JAG1: variants seen among roughly 807,000 people sequenced by gnomAD.
The protein encoded by JAG1 is jagged canonical Notch ligand 1.
Under a neutral mutation model 148.7 loss-of-function variants are expected in JAG1, and 23 were observed. The ratio of observed to expected loss-of-function variants is 0.15; its 90% CI spans 0.11 to 0.22. The LOEUF (loss-of-function observed/expected upper bound fraction) is 0.22, where lower values mean the gene tolerates loss of function less well. Ranked by LOEUF, JAG1 falls within the 10% of genes least tolerant of loss-of-function variation. The pLI, the probability that JAG1 is intolerant of heterozygous loss-of-function variation, is 1.00. For missense variants in JAG1, 1,054 were observed against 1,611.2 expected (o/e 0.65, Z 5.92); for synonymous variants, 572 against 598.3 (o/e 0.96, Z 0.64).
At position 10,643,821 on chromosome 20, in the gene JAG1, C is replaced by G. The variant is rs763720023; in HGVS notation, c.2415G>C (p.Arg805=). ...GTCVDGDNWY[R]CECAPGFAGP... ...CAGCAAAACCCGGGGCACATTCGCA[C>G]CGGTACCAGTTGTCTCCATCCACAC... The change falls in exon 20 of 26, where the codon CGG becomes CGC. Residue 805 remains arginine (R), a synonymous_variant. Coordinates refer to ENST00000254958, the MANE Select transcript of JAG1 (RefSeq NM_000214.3). The G allele has an allele frequency of 6.2e-7, 1 of 1,614,148 alleles. No homozygotes were observed. The highest frequency in any genetic ancestry group is 8.5e-7 in the Non-Finnish European group (1 of 1,180,022).
Position 10,643,822 on chromosome 20 carries a change from C to A in JAG1, c.2414G>T (p.Arg805Leu). 1 of 1,614,098 alleles carries A rather than the reference C, an allele frequency of 6.2e-7. No homozygotes were observed. Among genetic ancestry groups the A allele is most frequent in the African/African-American group, 1.3e-5 (1 of 75,026 alleles). The stretch of plus-strand genomic sequence containing the variant: ...AGCAAAACCCGGGGCACATTCGCAC[C>A]GGTACCAGTTGTCTCCATCCACACA... ...GTCVDGDNWYRCECAPGFAGP... is the reference protein window; with the variant it reads ...GTCVDGDNWYLCECAPGFAGP... The change falls in exon 20 of 26, where the codon CGG becomes CTG. Residue 805 changes from arginine (R) to leucine (L), a missense_variant. Arg to Leu is a moderately radical substitution (Grantham distance 102). Transcript: ENST00000254958.
rs2067274800 is a variant in JAG1 at position 10,641,867 on chromosome 20, C to A, written c.2598G>T (p.Met866Ile). ...QEVSGRPCITMGSVIPDGAKW... is the reference protein window; with the variant it reads ...QEVSGRPCITIGSVIPDGAKW... ...TGGCCCCATCTGGTATCACACTCCC[C>A]ATGGTGATGCAAGGTCTCCCTGAAA... is the stretch of plus-strand genomic sequence containing the variant. The change falls in exon 22 of 26, where the codon ATG becomes ATT. Residue 866 changes from methionine (M) to isoleucine (I), a missense_variant. This residue lies in a region of JAG1 where 342 missense variants were observed against 514.6 expected (regional missense o/e 0.66). Transcript: ENST00000254958. The A allele has an allele frequency of 6.2e-7, 1 of 1,612,756 alleles. No individual in the cohort carries two copies. The highest frequency in any genetic ancestry group is 1.3e-5 in the African/African-American group (1 of 74,910).
At chr20:10,669,985 G>C (rs1480338493) in intron 2 of JAG1, among the ~76,000 whole-genome samples, 1 of 152,086 alleles carries the variant, frequency 6.6e-6, no homozygotes, top group African/African-American at 2.4e-5. Context: ...AAGCCCCTTA[G>C]AGCAGCAACA....
In JAG1 at chr20:10,640,841, C is replaced by T. The variant is rs202075581; in HGVS notation, c.3141G>A (p.Ser1047=). The T allele has an allele frequency of 3.8e-5, 61 of 1,614,186 alleles. No homozygotes were observed. In the East Asian group the frequency reaches 8.7e-4, roughly 23 times the overall value. The change falls in exon 25 of 26, where the codon TCG becomes TCA. Residue 1047 remains serine, a synonymous_variant. Coordinates refer to ENST00000254958, the MANE Select transcript of JAG1 (RefSeq NM_000214.3). ...DLVSKRDGNS[S]LIAAVAEVRV... ...TTACTTCTGCAACGGCAGCAATCAGCGAGCTGTTTCCATCACGTTTACTAA... is the reference window on the plus strand; with the variant it reads ...TTACTTCTGCAACGGCAGCAATCAGTGAGCTGTTTCCATCACGTTTACTAA...
At position 10,644,383 on chromosome 20, in the gene JAG1, A is replaced by G. The variant is rs766175401; in HGVS notation, c.2346T>C (p.Asn782=). 1.9e-6 allele frequency: 3 copies of G among 1,613,008 alleles called. No homozygotes were observed. The African/African-American group carries it at 4.0e-5, about 22-fold the overall frequency. ...EGWEGPICAQ[N]TNDCSPHPCY... ...AGGGATGAGGGCTGCAGTCATTGGT[A>G]TCTGCAAAGAAAAGACAACTTAATA... The change falls in exon 19 of 26, where the codon AAT becomes AAC. Residue 782 remains asparagine, a splice_region_variant and synonymous_variant. Transcript: ENST00000254958.
Position 10,664,104 on chromosome 20 carries a change from A to G in JAG1, c.388-90T>C, listed in dbSNP as rs2067435594. The G allele has an allele frequency of 3.0e-6, 3 of 990,466 alleles. No homozygotes were observed. In the East Asian group the frequency reaches 7.2e-5, roughly 24 times the overall value. 61.4% of individuals were successfully genotyped at this position (990,466 alleles called of 1,614,324 possible). A position where few individuals can be genotyped will look rare whatever the true frequency, so the allele number is the denominator to read the frequency against. On this transcript the variant is annotated intron_variant, in intron 2 of 25. Transcript: ENST00000254958. ...TCTTGGCCTCCCAGAATACCCCACC[A>G]AACAAAACCATAATGCCAAAATAAA...
intron 3 of JAG1, 135 bp downstream of exon 3, chr20:10,663,828 G>T: frequency 1.3e-6 from 1 of 754,046 alleles, no homozygotes; most frequent in Admixed American, 1.8e-5. Flanking sequence ...GTTCACCCTG[G>T]GGTACAGGGG....
chr20:10,644,913 G>A lies in JAG1; in HGVS notation c.2294C>T (p.Ser765Phe). Residue 765 changes from serine to phenylalanine, a missense_variant, in exon 18 of 26, where the codon TCC (serine) becomes TTC (phenylalanine). Coordinates refer to ENST00000254958, the MANE Select transcript of JAG1 (RefSeq NM_000214.3). ...NGGTCVVNGE[S>F]FTCVCKEGWE... ...GCCTTCCTTGCAGACGCACGTAAAG[G>A]ACTCGCCGTTGACCACACATGTGCC... 3 of 1,614,080 alleles carry A rather than the reference G, an allele frequency of 1.9e-6. No homozygotes were observed. The highest frequency in any genetic ancestry group is 2.5e-6 in the Non-Finnish European group (3 of 1,180,006).
intron 13 of JAG1, chr20:10,647,342 A>C: frequency 1.8e-6 from 1 of 567,232 alleles, no homozygotes. Flanking sequence ...GAAAACCCAC[A>C]TGCTTGTGGA....
At chr20:10,664,082 T>G in intron 2 of JAG1, 68 bp from the exon 3 acceptor site, 1 of 1,292,966 alleles carries the variant, frequency 7.7e-7, no homozygotes, top group Non-Finnish European at 1.1e-6. Context: ...CGTACATTCT[T>G]GGCCTCCCAG....
chr20:10,650,114 C>CTTTTTTATTATCTT, intron 9 of JAG1, 133 bp downstream of exon 9: 1 of 710,914 alleles, frequency 1.4e-6, no homozygotes, highest in Non-Finnish European at 2.6e-6. Flanking sequence ...CTGCTAGACT[C>CTTTTTTATTATCTT]TTGATAATAA....
chr20:10,657,422 A>C (rs2067386120), intron 4 of JAG1, among the ~76,000 whole-genome samples: 1 of 152,036 alleles, frequency 6.6e-6, no homozygotes. Flanking sequence ...AAACACACTA[A>C]AATATGTTAA....
chr20:10,646,215 G>T, intron 14 of JAG1, 131 bp from the exon 15 acceptor site: 1 of 710,018 alleles, frequency 1.4e-6, no homozygotes, highest in Non-Finnish European at 2.5e-6. Flanking sequence ...CCTCCATCAG[G>T]GCTGTTTCTC....
Position 10,645,794 on chromosome 20 carries a change from G to C in JAG1, c.1999+177C>G. On this transcript the variant is annotated intron_variant, in intron 15 of 25. Transcript: ENST00000254958. This position sits in a 1 kb window ranked among gnomAD's most constrained non-coding sequence, Gnocchi z 6.1. ...CCTCAGCAGAAGCTCCTCCCCATAA[G>C]CTATCATCAGGACTCATAAATGCAA... The C allele has an allele frequency of 3.0e-6, 2 of 656,198 alleles. No homozygotes were observed. The highest frequency in any genetic ancestry group is 3.5e-5 in the South Asian group (2 of 56,982). The allele number at this position is 656,198 out of a possible 1,614,324, so 40.6% of individuals were successfully genotyped here. A position where few individuals can be genotyped will look rare whatever the true frequency, so the allele number is the denominator to read the frequency against.
At chr20:10,640,534 G>C (rs375838017) in intron 25 of JAG1, among the ~76,000 whole-genome samples, 1 of 152,320 alleles carries the variant, frequency 6.6e-6, no homozygotes, top group Non-Finnish European at 1.5e-5. Flanking sequence ...GCTTTGTCAC[G>C]GATCTAGCAC....
intron 20 of JAG1, 102 bp from the exon 21 acceptor site, chr20:10,642,703 C>T (rs1403834314): frequency 2.6e-6 from 2 of 773,202 alleles, no homozygotes; most frequent in Non-Finnish European, 4.6e-6. Context: ...TCATCATAAG[C>T]TTGATGAATT....
Position 10,647,788 on chromosome 20 carries a change from C to A in JAG1, c.1720+172G>T, listed in dbSNP as rs143716483. ...AGACACGGCTCTCCCACTGGCAGGC[C>A]GGAATAGATTGTTTCCACGTGTTGC... On this transcript the variant is annotated intron_variant, in intron 13 of 25. Coordinates refer to ENST00000254958, the MANE Select transcript of JAG1 (RefSeq NM_000214.3). Among the ~76,000 whole-genome samples the A allele has an allele frequency of 3.1e-3, 466 of 152,346 alleles. 3 individuals carry two copies. Among genetic ancestry groups the A allele is most frequent in the African/African-American group, 0.011 (440 of 41,576 alleles).
chr20:10,645,538 G>A lies in JAG1; in HGVS notation c.2000-69C>T, dbSNP rs1031515052. On this transcript the variant is annotated intron_variant, in intron 15 of 25. Transcript: ENST00000254958. The surrounding 1 kb of genome is among the most constrained non-coding windows in gnomAD (Gnocchi z 6.1). ...ACCATTCACGACAGGCGAGAGCCAA[G>A]CCTTTCCTACTGCTTACATCCAACA... The A allele has an allele frequency of 8.1e-7, 1 of 1,237,152 alleles. No individual in the cohort carries two copies. Among genetic ancestry groups the A allele is most frequent in the African/African-American group, 1.5e-5 (1 of 67,852 alleles). 76.6% of individuals were successfully genotyped at this position (1,237,152 alleles called of 1,614,324 possible).
intron 2 of JAG1, among the ~76,000 whole-genome samples, chr20:10,669,543 T>C (rs2067480413): frequency 1.7e-5 from 1 of 58,338 alleles, no homozygotes; most frequent in Non-Finnish European, 3.1e-5. Context: ...TTCATTGGAT[T>C]TTCCAAAAAA....
Sources: allele counts gnomAD v4.1 joint callset (sites outside exome capture counted in the v4.1 genomes callset), GRCh38; gene constraint gnomAD v4.1.1; regional missense constraint gnomAD v4.1.1; non-coding constraint Gnocchi (gnomAD v3.1); transcripts MANE v1.5; gene names NCBI Gene and HGNC (gene_info 2026-07-23, HGNC 2026-07-21).